TPST2: variants seen among roughly 807,000 people sequenced by gnomAD.
The protein encoded by TPST2 is protein-tyrosine sulfotransferase 2.
In TPST2, 16 loss-of-function variants were observed where a neutral mutation model predicts 27.8. That is an observed-to-expected ratio of 0.58 (90% CI 0.39 to 0.88). TPST2 has a LOEUF of 0.88. Ranked by LOEUF, TPST2 falls within the 40% of genes least tolerant of loss-of-function variation. The probability of loss-of-function intolerance (pLI) is 0.00; values close to 1 mark genes in which losing one functional copy is unlikely to be tolerated. For missense variants in TPST2, 464 were observed against 543.1 expected (o/e 0.85, Z 1.45); for synonymous variants, 229 against 231.7 (o/e 0.99, Z 0.10).
chr22:26,531,381 G>C lies in TPST2; in HGVS notation c.1092+1314C>G, dbSNP rs190513202. Reference sequence around the variant, plus strand: ...CAAAAGATAGGAAAATATTAAGAAAGCAAAACAAGGCAGTTTGAACATGAA... The same window carrying C: ...CAAAAGATAGGAAAATATTAAGAAACCAAAACAAGGCAGTTTGAACATGAA... On this transcript the variant is annotated intron_variant, in intron 5 of 6. Transcript: ENST00000338754. 4.6e-5 allele frequency among the ~76,000 whole-genome samples: 7 copies of C among 152,288 alleles called. No homozygotes were observed. The East Asian group carries it at 9.6e-4, about 21-fold the overall frequency.
intron 1 of TPST2, among the ~76,000 whole-genome samples, chr22:26,559,331 G>A (rs1476632453): frequency 6.6e-6 from 1 of 152,166 alleles, no homozygotes; most frequent in East Asian, 1.9e-4. Context: ...GCGCCACTGC[G>A]CTCCAGCCTG....
At chr22:26,540,717 G>T in intron 3 of TPST2, 72 bp downstream of exon 3, 1 of 1,410,442 alleles carries the variant, frequency 7.1e-7, no homozygotes, top group South Asian at 1.4e-5. Flanking sequence ...GAAAGGCAGT[G>T]CTGATTTTCT....
Position 26,532,705 on chromosome 22 carries a change from C to G in TPST2, c.1082G>C (p.Gly361Ala), listed in dbSNP as rs1009543580. ...CTTGGGGTTTCTAACCTGAAAATAT[C>G]CTTTCAGATTGGCTGGTGTTTTATA... The part of the protein sequence containing the change: ...GDYKTPANLK[G>A]YFQVNQNSTS... The change falls in exon 5 of 7, where the codon GGA (glycine) becomes GCA (alanine). Residue 361 changes from glycine (G) to alanine (A), a missense_variant. Gly to Ala is a moderately conservative substitution (Grantham distance 60, BLOSUM62 0). Coordinates refer to ENST00000338754, the MANE Select transcript of TPST2 (RefSeq NM_003595.5). The G allele has an allele frequency of 1.9e-6, 3 of 1,613,948 alleles. No individual in the cohort carries two copies. Among genetic ancestry groups the G allele is most frequent in the Non-Finnish European group, 2.5e-6 (3 of 1,179,880 alleles).
chr22:26,540,892 G>T lies in TPST2; in HGVS notation c.739C>A (p.Arg247Ser), dbSNP rs368243348. 1.2e-6 allele frequency: 2 copies of T among 1,614,162 alleles called. No individual in the cohort carries two copies. Among genetic ancestry groups the T allele is most frequent in the African/African-American group, 1.3e-5 (1 of 75,060 alleles). Residue 247 changes from arginine (R) to serine (S), a missense_variant, in exon 3 of 7, where the codon CGC becomes AGC. Physicochemically the swap from Arg to Ser is moderately radical, Grantham distance 110 (BLOSUM62 -1). Coordinates refer to ENST00000338754, the MANE Select transcript of TPST2 (RefSeq NM_003595.5). ...YYEQLVLHPR[R>S]SLKLILDFLG... ...AAGTCGAGGATGAGCTTGAGTGAGC[G>T]CCTGGGGTGCAGCACCAGCTGCTCG... is the stretch of plus-strand genomic sequence containing the variant.
chr22:26,583,027 G>A (rs1041275637), intron 1 of TPST2, among the ~76,000 whole-genome samples: 5 of 151,024 alleles, frequency 3.3e-5, no homozygotes, highest in Non-Finnish European at 7.4e-5. Flanking sequence ...TGGGAGGATC[G>A]CTTGAGCCTG....
At chr22:26,559,305 G>T (rs977175713) in intron 1 of TPST2, among the ~76,000 whole-genome samples, 2 of 152,268 alleles carry the variant, frequency 1.3e-5, no homozygotes, top group African/African-American at 4.8e-5. Flanking sequence ...GGCAGAGGCT[G>T]CAGTGAGCCA....
intron 1 of TPST2, among the ~76,000 whole-genome samples, chr22:26,552,388 G>A (rs996032096): frequency 6.6e-6 from 1 of 152,168 alleles, no homozygotes; most frequent in African/African-American, 2.4e-5. Context: ...TATTAGCCAC[G>A]TTTTACCGAA....
chr22:26,583,485 G>A (rs1036997435), intron 1 of TPST2, among the ~76,000 whole-genome samples: 2 of 149,790 alleles, frequency 1.3e-5, no homozygotes, highest in Non-Finnish European at 3.0e-5. Flanking sequence ...TGGCAGACAG[G>A]GTATCAGGAG....
intron 2 of TPST2, among the ~76,000 whole-genome samples, chr22:26,542,515 T>C (rs1425330212): frequency 6.6e-6 from 1 of 152,174 alleles, no homozygotes; most frequent in Non-Finnish European, 1.5e-5. Context: ...CATTGGTTAT[T>C]TACTTATTCC....
intron 1 of TPST2, among the ~76,000 whole-genome samples, chr22:26,582,362 G>C (rs537638185): frequency 6.6e-6 from 1 of 152,170 alleles, no homozygotes; most frequent in Non-Finnish European, 1.5e-5. Flanking sequence ...GGGAGGCAGA[G>C]GTTGCAGTGA....
At chr22:26,544,401 T>C (rs1926013672) in intron 2 of TPST2, among the ~76,000 whole-genome samples, 1 of 152,220 alleles carries the variant, frequency 6.6e-6, no homozygotes, top group African/African-American at 2.4e-5. Context: ...AGGAAGATGC[T>C]CATCTCTCTA....
chr22:26,540,699 C>T (rs1362965880), intron 3 of TPST2, 90 bp downstream of exon 3: 120 of 1,291,406 alleles, frequency 9.3e-5, no homozygotes, highest in Non-Finnish European at 2.4e-5. Flanking sequence ...CAAGGCCACA[C>T]AGCTCAAGAA....
intron 6 of TPST2, among the ~76,000 whole-genome samples, chr22:26,527,825 T>C (rs1304600718): frequency 1.3e-5 from 2 of 152,180 alleles, no homozygotes; most frequent in Non-Finnish European, 2.9e-5. Context: ...ATTAGAACAT[T>C]AATTGCTCTG....
chr22:26,537,246 G>T (rs371812870), intron 3 of TPST2, among the ~76,000 whole-genome samples: 172 of 152,304 alleles, frequency 1.1e-3, no homozygotes, highest in African/African-American at 3.6e-3. Flanking sequence ...TTGTAGAGTA[G>T]TTAAGAGCAA....
intron 1 of TPST2, among the ~76,000 whole-genome samples, chr22:26,556,537 T>C (rs1184630538): frequency 6.6e-6 from 1 of 151,862 alleles, no homozygotes; most frequent in East Asian, 1.9e-4. Context: ...CGAAACTCCA[T>C]CTCAAAAAAA....
rs1221265400 is a variant in TPST2 at position 26,560,606 on chromosome 22, T to A, written c.-160-15931A>T. The A allele has an allele frequency of 1.2e-5, 15 of 1,229,606 alleles. No homozygotes were observed. The South Asian group carries it at 1.3e-4, about 11-fold the overall frequency. The allele number at this position is 1,229,606 out of a possible 1,614,324, so 76.2% of individuals were successfully genotyped here. On this transcript the variant is annotated intron_variant, in intron 1 of 6. Coordinates refer to ENST00000338754, the MANE Select transcript of TPST2 (RefSeq NM_003595.5). The stretch of plus-strand genomic sequence containing the variant: ...TTGGGCAAACTTGTCGGGAGGCGCA[T>A]AAGAAGAAGCACCCAGATGCTTCAG...
chr22:26,551,713 G>C (rs2267090), intron 1 of TPST2, among the ~76,000 whole-genome samples: 2,567 of 152,106 alleles, frequency 0.017, 38 homozygotes, highest in East Asian at 0.08. Flanking sequence ...TCAAAGGCTG[G>C]GTGTCCTGGG....
chr22:26,535,998 A>T (rs746850660), intron 4 of TPST2: 76 of 506,100 alleles, frequency 1.5e-4, no homozygotes, highest in Admixed American at 3.5e-4. Flanking sequence ...AAATAGGGGT[A>T]AAAATGTAAA....
intron 1 of TPST2, among the ~76,000 whole-genome samples, chr22:26,566,892 A>G (rs569610995): frequency 6.1e-4 from 93 of 152,308 alleles, no homozygotes; most frequent in African/African-American, 2.1e-3. Context: ...TCTCTGCACT[A>G]TAGACATTTG....
Sources: allele counts gnomAD v4.1 joint callset (sites outside exome capture counted in the v4.1 genomes callset), GRCh38; gene constraint gnomAD v4.1.1; transcripts MANE v1.5; gene names NCBI Gene and HGNC (gene_info 2026-07-23, HGNC 2026-07-21).